ACSS3: variants seen among roughly 807,000 people sequenced by gnomAD.
ACSS3 encodes the protein acyl-CoA synthetase short chain family member 3, also known as acyl-CoA synthetase short-chain family member 3, mitochondrial.
ACSS3 carries 64 observed loss-of-function variants against 84.2 expected under a neutral mutation model. That is an observed-to-expected ratio of 0.76 (90% CI 0.62 to 0.94). The LOEUF is 0.94. ACSS3 is among the 40% of genes least tolerant of loss of function. ACSS3 has a pLI of 0.00. For missense variants in ACSS3, 815 were observed against 867.6 expected (o/e 0.94, Z 0.76); for synonymous variants, 317 against 310.1 (o/e 1.02, Z -0.23).
chr12:81,083,861 T>C (rs1881150835), intron 1 of ACSS3, among the ~76,000 whole-genome samples: 2 of 152,040 alleles, frequency 1.3e-5, no homozygotes, highest in Admixed American at 6.5e-5. Flanking sequence ...TCCTAGCTAC[T>C]TGGGAGACTG....
At position 81,259,549 on chromosome 12, in the gene ACSS3, A is replaced by T; in HGVS notation, c.*4627A>T. ...CCAAAAATCACATTTTTCAGCTTTT[A>T]ATAAGTCATGACGTCATTATTTCCT... is the stretch of plus-strand genomic sequence containing the variant. On this transcript the variant is annotated 3_prime_UTR_variant, in exon 16 of 16. Coordinates refer to ENST00000548058, the MANE Select transcript of ACSS3 (RefSeq NM_024560.4). 2 of 1,330,524 alleles carry T rather than the reference A, an allele frequency of 1.5e-6. No homozygotes were observed. Among genetic ancestry groups the T allele is most frequent in the Non-Finnish European group, 2.1e-6 (2 of 970,058 alleles). 82.4% of individuals were successfully genotyped at this position (1,330,524 alleles called of 1,614,324 possible).
chr12:81,250,710 T>TA (rs1347604712), intron 13 of ACSS3, among the ~76,000 whole-genome samples: 1 of 152,082 alleles, frequency 6.6e-6, no homozygotes, highest in African/African-American at 2.4e-5. Context: ...TTTTAGGAAC[T>TA]CAGGTACAGA....
intron 13 of ACSS3, among the ~76,000 whole-genome samples, chr12:81,244,610 A>C (rs1309927307): frequency 6.6e-6 from 1 of 152,140 alleles, no homozygotes; most frequent in Non-Finnish European, 1.5e-5. Flanking sequence ...CTATTGATAC[A>C]TCCTCAAGCA....
At chr12:81,107,878 G>A (rs183251429) in intron 1 of ACSS3, among the ~76,000 whole-genome samples, 3 of 151,914 alleles carry the variant, frequency 2.0e-5, no homozygotes, top group East Asian at 2.0e-4. Flanking sequence ...GTTGAGGAGG[G>A]AGCAGTTATA....
At chr12:81,093,845 A>G (rs1314893096) in intron 1 of ACSS3, among the ~76,000 whole-genome samples, 1 of 151,808 alleles carries the variant, frequency 6.6e-6, no homozygotes, top group Non-Finnish European at 1.5e-5. Context: ...CCTTTAAAAA[A>G]TCAAGAATCT....
chr12:81,175,138 A>G (rs1050839321), intron 8 of ACSS3, among the ~76,000 whole-genome samples, 199 bp downstream of exon 8: 1 of 152,204 alleles, frequency 6.6e-6, no homozygotes, highest in Non-Finnish European at 1.5e-5. Flanking sequence ...AAAATATTAT[A>G]TCATGTTAAT....
chr12:81,188,936 T>C (rs1453168409), intron 8 of ACSS3, among the ~76,000 whole-genome samples: 1 of 152,118 alleles, frequency 6.6e-6, no homozygotes, highest in Non-Finnish European at 1.5e-5. Flanking sequence ...GAGAACACTT[T>C]ACATTTATTC....
intron 8 of ACSS3, among the ~76,000 whole-genome samples, chr12:81,189,800 C>A (rs1317881801): frequency 2.0e-5 from 3 of 151,956 alleles, no homozygotes; most frequent in Admixed American, 2.0e-4. Context: ...TTTTATTGTT[C>A]ATTTTACCTT....
intron 11 of ACSS3, among the ~76,000 whole-genome samples, chr12:81,225,360 G>A (rs764240550): frequency 1.1e-4 from 17 of 151,892 alleles, no homozygotes; most frequent in Non-Finnish European, 2.1e-4. Context: ...GGAACAGAAA[G>A]CATGCACTTA....
chr12:81,245,062 GGGA>G (rs2033937945), intron 13 of ACSS3, among the ~76,000 whole-genome samples: 1 of 152,152 alleles, frequency 6.6e-6, no homozygotes, highest in Non-Finnish European at 1.5e-5. Flanking sequence ...AAGATGCAGG[GGGA>G]GGAGAAGTAT....
intron 13 of ACSS3, among the ~76,000 whole-genome samples, chr12:81,250,806 G>A (rs532667397): frequency 1.3e-5 from 2 of 152,238 alleles, no homozygotes; most frequent in African/African-American, 4.8e-5. Context: ...CACTCATTAA[G>A]GGAATACCAA....
At chr12:81,216,182 CTTT>C (rs1311600515) in intron 9 of ACSS3, among the ~76,000 whole-genome samples, 1 of 149,336 alleles carries the variant, frequency 6.7e-6, no homozygotes, top group African/African-American at 2.5e-5. Flanking sequence ...TGTGTGTAAT[CTTT>C]TTTTATTTTT....
At chr12:81,102,439 G>T (rs1882592669) in intron 1 of ACSS3, among the ~76,000 whole-genome samples, 1 of 152,202 alleles carries the variant, frequency 6.6e-6, no homozygotes, top group African/African-American at 2.4e-5. Context: ...CGCAGGTGAG[G>T]GTGCAGGAAG....
At chr12:81,183,542 T>G (rs543078725) in intron 8 of ACSS3, among the ~76,000 whole-genome samples, 1 of 152,160 alleles carries the variant, frequency 6.6e-6, no homozygotes, top group African/African-American at 2.4e-5. Flanking sequence ...TAAACAAGAT[T>G]CACTGAAGTG....
rs1411961695 is a variant in ACSS3, at chr12:81,253,619, C to T, written c.1944C>T (p.Gly648=). The T allele has an allele frequency of 6.2e-7, 1 of 1,613,792 alleles. No homozygotes were observed. The highest frequency in any genetic ancestry group is 1.3e-5 in the African/African-American group (1 of 74,890). Residue 648 remains glycine, a synonymous_variant, in exon 15 of 16, where the codon GGC becomes GGT. Transcript: ENST00000548058. ...FVKQLPKTRS[G]KIPRSALSAI... ...AACAGCTACCCAAAACCAGATCTGGCAAGATCCCCCGATCAGCTTTATCTG... is the reference window on the plus strand; with the variant it reads ...AACAGCTACCCAAAACCAGATCTGGTAAGATCCCCCGATCAGCTTTATCTG...
chr12:81,231,727 C>T (rs2033472169), intron 12 of ACSS3, among the ~76,000 whole-genome samples: 1 of 151,782 alleles, frequency 6.6e-6, no homozygotes, highest in Non-Finnish European at 1.5e-5. Flanking sequence ...AAAGTGCCTT[C>T]CTGTTTCACA....
intron 7 of ACSS3, among the ~76,000 whole-genome samples, chr12:81,163,870 T>G (rs1249655471): frequency 2.6e-5 from 4 of 152,210 alleles, no homozygotes; most frequent in Non-Finnish European, 1.5e-5. Context: ...TGTTTGTCTT[T>G]TAAGCTGTCT....
chr12:81,091,043 T>G (rs186567043), intron 1 of ACSS3, among the ~76,000 whole-genome samples: 281 of 152,214 alleles, frequency 1.8e-3, no homozygotes, highest in Middle Eastern at 3.4e-3. Flanking sequence ...TTTGTATTTT[T>G]TAATTATTAT....
intron 10 of ACSS3, among the ~76,000 whole-genome samples, chr12:81,218,588 AG>A (rs1047094142): frequency 7.9e-5 from 12 of 152,186 alleles, no homozygotes; most frequent in African/African-American, 2.9e-4. Context: ...AGCCCTGGAA[AG>A]GTGAACCCAG....
Sources: allele counts gnomAD v4.1 joint callset (sites outside exome capture counted in the v4.1 genomes callset), GRCh38; gene constraint gnomAD v4.1.1; transcripts MANE v1.5; gene names NCBI Gene and HGNC (gene_info 2026-07-23, HGNC 2026-07-21).